CRISPLD2: variants seen among roughly 807,000 people sequenced by gnomAD.
The protein encoded by CRISPLD2 is cysteine rich secretory protein LCCL domain containing 2.
In CRISPLD2, 47 loss-of-function variants were observed where a neutral mutation model predicts 71.1. The observed-to-expected ratio is 0.66, with a 90% confidence interval of 0.52 to 0.84. The LOEUF (loss-of-function observed/expected upper bound fraction) is 0.84, where lower values mean the gene tolerates loss of function less well. Among genes scored for constraint, CRISPLD2 ranks in the 40% least tolerant of loss-of-function variants. CRISPLD2 has a pLI of 0.00. For missense variants in CRISPLD2, 830 were observed against 651.1 expected (o/e 1.27, Z -2.99); for synonymous variants, 317 against 250.1 (o/e 1.27, Z -2.52).
chr16:84,884,168 CTCT>C (rs2071592006), intron 13 of CRISPLD2, among the ~76,000 whole-genome samples: 1 of 152,184 alleles, frequency 6.6e-6, no homozygotes, highest in African/African-American at 2.4e-5. Context: ...CACAGTAACC[CTCT>C]TCTTCCTCAC....
intron 6 of CRISPLD2, among the ~76,000 whole-genome samples, chr16:84,855,948 C>T (rs1359179623): frequency 6.6e-6 from 1 of 152,196 alleles, no homozygotes; most frequent in Non-Finnish European, 1.5e-5. Context: ...TTTCTTAGTA[C>T]AAGTGTATAC....
At chr16:84,840,563 A>G (rs764054918) in intron 2 of CRISPLD2, among the ~76,000 whole-genome samples, 30 of 152,040 alleles carry the variant, frequency 2.0e-4, no homozygotes, top group Non-Finnish European at 4.0e-4. Context: ...CTGGGGTGCA[A>G]TGGTGCCATC....
rs1179227093 is a variant in CRISPLD2, at chr16:84,897,328, T to G, written c.1439+7965T>G. Among the ~76,000 whole-genome samples, 6 of 149,472 alleles carry G rather than the reference T, an allele frequency of 4.0e-5. No individual in the cohort carries two copies. In the East Asian group the frequency reaches 5.9e-4, roughly 15 times the overall value. ...AAAGCCGGGCATGGTGGCATGCACCTGTAGTCCCAGGTACTTGGGAGGCTG... is the reference window on the plus strand; with the variant it reads ...AAAGCCGGGCATGGTGGCATGCACCGGTAGTCCCAGGTACTTGGGAGGCTG... On this transcript the variant is annotated intron_variant, in intron 14 of 14. Transcript: ENST00000262424.
rs373176982 is a variant in CRISPLD2, at chr16:84,838,638, G to A, written c.143G>A (p.Arg48His). The A allele has an allele frequency of 2.0e-5, 32 of 1,614,204 alleles. No homozygotes were observed. The Middle Eastern group carries it at 4.9e-4, about 25-fold the overall frequency. The change falls in exon 2 of 15, where the codon CGC (arginine) becomes CAC (histidine). Residue 48 changes from arginine to histidine, a missense_variant. By Grantham distance (29) the Arg-to-His change is conservative (BLOSUM62 0). Transcript: ENST00000262424. ...YQHNESHSRV[R>H]RAIPREDKEE... is the part of the protein sequence containing the mutation. Reference sequence around the variant, plus strand: ...CACAACGAGTCTCACTCCCGGGTCCGCAGAGCCATCCCCAGGGAGGACAAG... The same window carrying A: ...CACAACGAGTCTCACTCCCGGGTCCACAGAGCCATCCCCAGGGAGGACAAG...
At chr16:84,874,430 G>C (rs561240295) in intron 11 of CRISPLD2, among the ~76,000 whole-genome samples, 5 of 152,214 alleles carry the variant, frequency 3.3e-5, no homozygotes, top group African/African-American at 1.2e-4. Flanking sequence ...CTCTGGCCCA[G>C]CTTTTTACAT....
chr16:84,902,855 C>T (rs1298589840), intron 14 of CRISPLD2, among the ~76,000 whole-genome samples: 12 of 148,286 alleles, frequency 8.1e-5, no homozygotes, highest in Non-Finnish European at 7.4e-5. Context: ...TCACCGCAAC[C>T]TCCACCTCCT....
At chr16:84,836,694 A>G (rs1383642103) in intron 1 of CRISPLD2, among the ~76,000 whole-genome samples, 2 of 152,004 alleles carry the variant, frequency 1.3e-5, no homozygotes, top group Non-Finnish European at 2.9e-5. Flanking sequence ...CTTGGCCTCT[A>G]TCCCCTCCAG....
At position 84,843,760 on chromosome 16, in the gene CRISPLD2, C is replaced by T. The variant is rs140312978; in HGVS notation, c.241-2026C>T. ...GTGGGATGGGTCTGGCACTTGGTTA[C>T]AGTATGCAAGGCAGGAAGAGCCCCC... On this transcript the variant is annotated intron_variant, in intron 2 of 14. Coordinates refer to ENST00000262424, the MANE Select transcript of CRISPLD2 (RefSeq NM_031476.4). Among the ~76,000 whole-genome samples the T allele has an allele frequency of 4.6e-5, 7 of 152,326 alleles. No individual in the cohort carries two copies. In the East Asian group the frequency reaches 1.3e-3, roughly 29 times the overall value.
intron 14 of CRISPLD2, among the ~76,000 whole-genome samples, chr16:84,904,328 A>C (rs1007082458): frequency 2.9e-5 from 4 of 136,418 alleles, no homozygotes; most frequent in African/African-American, 1.1e-4. Context: ...CTTACGCCTG[A>C]AATCCCAGCA....
intron 8 of CRISPLD2, 132 bp downstream of exon 8, chr16:84,869,043 G>A (rs34378313): frequency 9.2e-6 from 7 of 760,408 alleles, no homozygotes; most frequent in South Asian, 4.0e-5. Flanking sequence ...TCAGCAGGCA[G>A]AACAGGGGTT....
chr16:84,844,648 C>T lies in CRISPLD2; in HGVS notation c.241-1138C>T, dbSNP rs544011997. 5.9e-5 allele frequency among the ~76,000 whole-genome samples: 9 copies of T among 152,236 alleles called. No homozygotes were observed. The South Asian group carries it at 1.7e-3, about 28-fold the overall frequency. On this transcript the variant is annotated intron_variant, in intron 2 of 14. Transcript: ENST00000262424. ...AAAGTTCTGGGATTACAGGCGTGAG[C>T]CACTGCTCCGGGCCCATCTCCGGCA...
chr16:84,831,979 C>A lies in CRISPLD2; in HGVS notation c.-74-6443C>A, dbSNP rs1597446423. ...TGATCTCCTGACCTCAGGTGATCCACCCACCTTGGCCTCCCAACGTTCTGG... is the reference window on the plus strand; with the variant it reads ...TGATCTCCTGACCTCAGGTGATCCAACCACCTTGGCCTCCCAACGTTCTGG... On this transcript the variant is annotated intron_variant, in intron 1 of 14. Transcript: ENST00000262424. Among the ~76,000 whole-genome samples the A allele has an allele frequency of 2.0e-5, 3 of 152,370 alleles. No homozygotes were observed. In the East Asian group the frequency reaches 5.8e-4, roughly 29 times the overall value.
intron 6 of CRISPLD2, among the ~76,000 whole-genome samples, chr16:84,855,087 C>T (rs56188774): frequency 0.19 from 28,832 of 151,970 alleles, 3,245 homozygotes; most frequent in East Asian, 0.49. Context: ...CCGGGCTCTG[C>T]AGATGCTGGA....
intron 12 of CRISPLD2, among the ~76,000 whole-genome samples, chr16:84,879,936 C>T (rs939961824): frequency 6.6e-6 from 1 of 152,162 alleles, no homozygotes; most frequent in African/African-American, 2.4e-5. Context: ...TTTGTCAAAC[C>T]ACCCAGGGGT....
At chr16:84,872,555 T>C in intron 9 of CRISPLD2, 47 bp downstream of exon 9, 1 of 1,504,076 alleles carries the variant, frequency 6.6e-7, no homozygotes, top group South Asian at 1.2e-5. Context: ...GGGATCCTGT[T>C]GCATATGTTT....
rs9921389 is a variant in CRISPLD2 at position 84,887,323 on chromosome 16, C to T, written c.1306-1907C>T. On this transcript the variant is annotated intron_variant, in intron 13 of 14. Transcript: ENST00000262424. ...AGGACAGAATATGGGGAGTCTGCCC[C>T]GTTCACCCTCCCCACCCTTGAACCA... Among the ~76,000 whole-genome samples, 579 of 152,256 alleles carry T rather than the reference C, an allele frequency of 3.8e-3. 4 individuals carry two copies. Among genetic ancestry groups the T allele is most frequent in the African/African-American group, 0.013 (539 of 41,542 alleles).
intron 1 of CRISPLD2, among the ~76,000 whole-genome samples, chr16:84,825,040 G>C (rs1304579482): frequency 1.3e-5 from 2 of 152,106 alleles, no homozygotes; most frequent in Admixed American, 6.5e-5. Context: ...GGAGGCGGAG[G>C]TTGCAGTGAG....
chr16:84,902,340 T>C (rs2071762531), intron 14 of CRISPLD2, among the ~76,000 whole-genome samples: 1 of 151,472 alleles, frequency 6.6e-6, no homozygotes, highest in Admixed American at 6.6e-5. Context: ...CCGGGCGCAG[T>C]GGCTCACGCC....
intron 11 of CRISPLD2, among the ~76,000 whole-genome samples, chr16:84,876,775 A>C (rs1286999321): frequency 1.3e-5 from 2 of 152,242 alleles, no homozygotes; most frequent in Non-Finnish European, 2.9e-5. Context: ...CTGGGCAAAA[A>C]GAGCAAAACT....
Sources: allele counts gnomAD v4.1 joint callset (sites outside exome capture counted in the v4.1 genomes callset), GRCh38; gene constraint gnomAD v4.1.1; transcripts MANE v1.5; gene names NCBI Gene and HGNC (gene_info 2026-07-23, HGNC 2026-07-21).